ADGRL3: variants seen among roughly 807,000 people sequenced by gnomAD.
ADGRL3 encodes the protein calcium-independent alpha-latrotoxin receptor 3.
ADGRL3 carries 62 observed loss-of-function variants against 153.5 expected under a neutral mutation model. That is an observed-to-expected ratio of 0.40 (90% confidence interval 0.33 to 0.50). The LOEUF is 0.50. Ranked by LOEUF, ADGRL3 falls within the 20% of genes least tolerant of loss-of-function variation. The pLI, the probability that ADGRL3 is intolerant of heterozygous loss-of-function variation, is 0.47. For synonymous variants in ADGRL3, 710 were observed against 672.5 expected, an observed-to-expected ratio of 1.06 and a Z score of -0.86; for missense variants, 1,641 against 1,859.4, an observed-to-expected ratio of 0.88 and a Z score of 2.16.
In ADGRL3 at chr4:61,434,611, C is replaced by T. The variant is rs1318031288; in HGVS notation, c.-174+51422C>T. 2.5e-5 allele frequency among the ~76,000 whole-genome samples: 3 copies of T among 117,762 alleles called. 1 individual carries two copies. The highest frequency in any genetic ancestry group is 1.1e-3 in the East Asian group (2 of 1,794). 77.3% of individuals were successfully genotyped at this position (117,762 alleles called of 152,430 possible). ...TATCAATGCTTGCTTAATGATTACT[C>T]CGAATCCTGCTGACTATTTTTAAAA... On this transcript the variant is annotated intron_variant, in intron 2 of 26. Coordinates refer to ENST00000683033, the MANE Select transcript of ADGRL3 (RefSeq NM_001387552.1).
At chr4:62,055,279 T>A (rs985607501) in intron 25 of ADGRL3, among the ~76,000 whole-genome samples, 1 of 151,856 alleles carries the variant, frequency 6.6e-6, no homozygotes, top group Non-Finnish European at 1.5e-5. Context: ...CTATGTCATT[T>A]TATATTGAAC....
At chr4:61,575,092 G>A (rs1396448306) in intron 4 of ADGRL3, among the ~76,000 whole-genome samples, 1 of 151,800 alleles carries the variant, frequency 6.6e-6, no homozygotes, top group African/African-American at 2.4e-5. Context: ...TTTGATTGAA[G>A]CAGAAAAAGG....
chr4:61,206,742 G>T (rs1737390848), intron 1 of ADGRL3, among the ~76,000 whole-genome samples: 1 of 152,092 alleles, frequency 6.6e-6, no homozygotes, highest in African/African-American at 2.4e-5. Flanking sequence ...AGCACTTTGG[G>T]AGGCTGAGAT....
chr4:61,225,721 A>G (rs984209983), intron 1 of ADGRL3, among the ~76,000 whole-genome samples: 3 of 152,268 alleles, frequency 2.0e-5, no homozygotes, highest in Admixed American at 2.0e-4. Context: ...AGTGATATCC[A>G]GTTTCATTCC....
intron 6 of ADGRL3, among the ~76,000 whole-genome samples, chr4:61,702,178 T>C (rs771575131): frequency 1.3e-5 from 2 of 152,138 alleles, no homozygotes; most frequent in Non-Finnish European, 2.9e-5. Context: ...AATACTCCAG[T>C]TCCTTTTTTC....
chr4:61,993,290 CT>C (rs761710043), intron 19 of ADGRL3, among the ~76,000 whole-genome samples: 1,881 of 69,188 alleles, frequency 0.027, 21 homozygotes, highest in African/African-American at 0.047. Context: ...TCTTTCTTTC[CT>C]TTTTTTTTTT....
At chr4:61,722,514 G>T in intron 6 of ADGRL3, among the ~76,000 whole-genome samples, 1 of 151,962 alleles carries the variant, frequency 6.6e-6, no homozygotes, top group East Asian at 1.9e-4. Context: ...ACTTGGGGCT[G>T]GATTCACTAG....
chr4:61,903,536 A>G (rs2098676621), intron 11 of ADGRL3, among the ~76,000 whole-genome samples: 2 of 151,514 alleles, frequency 1.3e-5, no homozygotes, highest in African/African-American at 2.4e-5. Context: ...AGATAAAGAG[A>G]GGGCCTGTAG....
At chr4:61,356,709 C>T (rs1431479113) in intron 1 of ADGRL3, among the ~76,000 whole-genome samples, 1 of 151,926 alleles carries the variant, frequency 6.6e-6, no homozygotes, top group African/African-American at 2.4e-5. Flanking sequence ...TAAAAATTTT[C>T]CTTGCAGTTA....
chr4:61,512,344 T>C (rs2098467802), intron 3 of ADGRL3, among the ~76,000 whole-genome samples: 1 of 152,070 alleles, frequency 6.6e-6, no homozygotes, highest in African/African-American at 2.4e-5. Context: ...CTCAGAGCTG[T>C]GAATGTAATG....
At chr4:61,423,026 A>G (rs1371709545) in intron 2 of ADGRL3, among the ~76,000 whole-genome samples, 1 of 152,120 alleles carries the variant, frequency 6.6e-6, no homozygotes, top group Non-Finnish European at 1.5e-5. Flanking sequence ...TGAGAGACCT[A>G]AGTGAGCCTG....
chr4:61,946,237 G>T (rs2098923233), intron 15 of ADGRL3, among the ~76,000 whole-genome samples: 1 of 152,016 alleles, frequency 6.6e-6, no homozygotes, highest in Non-Finnish European at 1.5e-5. Flanking sequence ...AGTGTGGTCG[G>T]TCTTTTCAAT....
intron 6 of ADGRL3, among the ~76,000 whole-genome samples, chr4:61,730,330 C>T (rs1037764848): frequency 6.6e-6 from 1 of 151,818 alleles, no homozygotes; most frequent in Non-Finnish European, 1.5e-5. Flanking sequence ...ATGAATATTG[C>T]ATTTCCTGTG....
intron 9 of ADGRL3, among the ~76,000 whole-genome samples, chr4:61,885,233 C>G (rs2149517657): frequency 6.6e-6 from 1 of 152,156 alleles, no homozygotes; most frequent in South Asian, 2.1e-4. Context: ...GCAGCTGAAA[C>G]AGGAGAATCG....
chr4:61,907,884 G>A (rs1345021474), intron 11 of ADGRL3, among the ~76,000 whole-genome samples: 1 of 152,128 alleles, frequency 6.6e-6, no homozygotes, highest in Non-Finnish European at 1.5e-5. Flanking sequence ...AGCTAGGAAT[G>A]CCTAACTTTC....
At chr4:61,630,583 A>G (rs987272271) in intron 5 of ADGRL3, among the ~76,000 whole-genome samples, 3 of 151,710 alleles carry the variant, frequency 2.0e-5, no homozygotes, top group Non-Finnish European at 4.4e-5. Flanking sequence ...TATTTTTGTC[A>G]TTGTTAAATG....
rs960782618 is a variant in ADGRL3 at position 61,775,768 on chromosome 4, T to C, written c.1400-38041T>C. 3 of 820,188 alleles carry C rather than the reference T, an allele frequency of 3.7e-6. No homozygotes were observed. The African/African-American group carries it at 5.0e-5, about 14-fold the overall frequency. The allele number at this position is 820,188 out of a possible 1,614,324, so 50.8% of individuals were successfully genotyped here. ...ATGAATTCCACGTGCTAGGCAATCGTGGATGAGGGCAGTCTTCAGCACCTC... is the reference window on the plus strand; with the variant it reads ...ATGAATTCCACGTGCTAGGCAATCGCGGATGAGGGCAGTCTTCAGCACCTC... On this transcript the variant is annotated intron_variant, in intron 8 of 26. Coordinates refer to ENST00000683033, the MANE Select transcript of ADGRL3 (RefSeq NM_001387552.1).
chr4:61,685,703 A>C (rs1357791113), intron 6 of ADGRL3, among the ~76,000 whole-genome samples: 1 of 152,176 alleles, frequency 6.6e-6, no homozygotes, highest in Non-Finnish European at 1.5e-5. Flanking sequence ...GCTACTAACC[A>C]GCAATTAGCA....
chr4:61,863,228 ATTC>A (rs1383309871), intron 9 of ADGRL3, among the ~76,000 whole-genome samples: 3 of 112,254 alleles, frequency 2.7e-5, no homozygotes, highest in East Asian at 5.4e-4. Flanking sequence ...TCTGGGCATC[ATTC>A]TTTTTTTTTT....
Sources: gnomAD v4.1 joint callset for allele counts (sites outside exome capture counted in the v4.1 genomes callset) on GRCh38, gnomAD v4.1.1 for gene constraint, MANE v1.5 for transcripts, NCBI Gene and HGNC (gene_info 2026-07-23, HGNC 2026-07-21) for gene names.